The following NSD3 variants were observed in gnomAD, a reference collection of about 807,000 sequenced individuals.
NSD3 encodes histone-lysine N-methyltransferase NSD3.
NSD3 carries 24 observed loss-of-function variants against 160.8 expected under a neutral mutation model. That is an observed-to-expected ratio of 0.15 (90% CI 0.11 to 0.21). NSD3 has a LOEUF of 0.21. Ranked by LOEUF, NSD3 falls within the 10% of genes least tolerant of loss-of-function variation. NSD3 has a pLI of 1.00. For missense variants in NSD3, 1,157 were observed against 1,735.9 expected, an observed-to-expected ratio of 0.67 and a Z score of 5.93; for synonymous variants, 520 against 600.0, an observed-to-expected ratio of 0.87 and a Z score of 1.95.
At position 38,316,498 on chromosome 8, in the gene NSD3, G is replaced by A. The variant is rs1189569267; in HGVS notation, c.1856-456C>T. 8.6e-6 allele frequency: 9 copies of A among 1,044,690 alleles called. No homozygotes were observed. The highest frequency in any genetic ancestry group is 1.1e-4 in the East Asian group (2 of 17,514). The allele number at this position is 1,044,690 out of a possible 1,614,324, so 64.7% of individuals were successfully genotyped here. A position where few individuals can be genotyped will look rare whatever the true frequency, so the allele number is the denominator to read the frequency against. Reference sequence around the variant, plus strand: ...CAAATCTTTGATTTGTATTCGATTCGTACACGGATAGTGCCATTTTCCCCC... The same window carrying A: ...CAAATCTTTGATTTGTATTCGATTCATACACGGATAGTGCCATTTTCCCCC... On this transcript the variant is annotated intron_variant, in intron 9 of 23. Transcript: ENST00000317025. The surrounding 1 kb of genome is among the most constrained non-coding windows in gnomAD (Gnocchi z 4.5).
rs1810873193 is a variant in NSD3, at chr8:38,358,290, A to G, written c.-44-10075T>C. On this transcript the variant is annotated intron_variant, in intron 1 of 23. Transcript: ENST00000317025. ...TGAGAATTTTTACAGCTAGAAAAAA[A>G]TGGTGGAATATAATATGATTTTCAC... 2.0e-5 allele frequency among the ~76,000 whole-genome samples: 3 copies of G among 152,276 alleles called. No homozygotes were observed. The South Asian group carries it at 6.2e-4, about 32-fold the overall frequency.
At chr8:38,367,653 G>A (rs60464825) in intron 1 of NSD3, among the ~76,000 whole-genome samples, 21,452 of 151,886 alleles carry the variant, frequency 0.14, 1,684 homozygotes, top group East Asian at 0.31. Flanking sequence ...TGGAGGTTGC[G>A]GTGAGCTGAG....
chr8:38,300,226 A>G (rs1198241031), intron 14 of NSD3, among the ~76,000 whole-genome samples: 2 of 152,060 alleles, frequency 1.3e-5, no homozygotes, highest in Non-Finnish European at 2.9e-5. Context: ...TAGTGGTGTG[A>G]TCATGGCTCA....
At chr8:38,369,600 T>C (rs1811189410) in intron 1 of NSD3, among the ~76,000 whole-genome samples, 2 of 152,228 alleles carry the variant, frequency 1.3e-5, no homozygotes, top group Admixed American at 6.5e-5. Context: ...TTATCAACTA[T>C]GTGTCTGGTA....
chr8:38,354,108 A>G (rs993727233), intron 1 of NSD3, among the ~76,000 whole-genome samples: 3 of 152,184 alleles, frequency 2.0e-5, no homozygotes, highest in Non-Finnish European at 4.4e-5. Flanking sequence ...CTCACAGGTG[A>G]TTGATTCTTC....
chr8:38,346,297 AGT>A (rs1227253969), intron 2 of NSD3, among the ~76,000 whole-genome samples: 2 of 147,614 alleles, frequency 1.4e-5, no homozygotes, highest in Non-Finnish European at 3.0e-5. Flanking sequence ...TATAGTATAT[AGT>A]ATATATAGTA....
Position 38,318,433 on chromosome 8 carries a change from A to C in NSD3, c.1855+462T>G, listed in dbSNP as rs1809720417. On this transcript the variant is annotated intron_variant, in intron 9 of 23. Transcript: ENST00000317025. The surrounding 1 kb of genome is among the most constrained non-coding windows in gnomAD (Gnocchi z 5.3). ...TCTAATAGTGGCCATAAATGCTATG[A>C]ATCATTTTAATTTACAAAAAGATTT... Among the ~76,000 whole-genome samples, 1 of 152,212 alleles carries C rather than the reference A, an allele frequency of 6.6e-6. No individual in the cohort carries two copies. Among genetic ancestry groups the C allele is most frequent in the Non-Finnish European group, 1.5e-5 (1 of 68,030 alleles).
intron 19 of NSD3, among the ~76,000 whole-genome samples, chr8:38,285,959 T>A (rs1309327777): frequency 6.6e-6 from 1 of 152,206 alleles, no homozygotes; most frequent in East Asian, 1.9e-4. Flanking sequence ...ATGTTCTCCA[T>A]ACCACAGCCA....
chr8:38,276,533 A>G, intron 22 of NSD3, 33 bp from the exon 23 acceptor site: 2 of 1,611,556 alleles, frequency 1.2e-6, no homozygotes, highest in South Asian at 1.1e-5. Context: ...AGTTTCAAAC[A>G]TCACAGACAG....
chr8:38,379,790 AT>A (rs1811491706), intron 1 of NSD3, among the ~76,000 whole-genome samples: 1 of 152,230 alleles, frequency 6.6e-6, no homozygotes, highest in Non-Finnish European at 1.5e-5. Flanking sequence ...TTCAATATCA[AT>A]GTGATAGGTT....
rs1809670016 is a variant in NSD3 at position 38,316,574 on chromosome 8, A to G, written c.1856-532T>C. ...GCCCCCCAATAAAATTTGGATGTTC[A>G]TAATTGTTCATCTGAGACTTCCTTG... On this transcript the variant is annotated intron_variant, in intron 9 of 23. Coordinates refer to ENST00000317025, the MANE Select transcript of NSD3 (RefSeq NM_023034.2). This position sits in a 1 kb window ranked among gnomAD's most constrained non-coding sequence, Gnocchi z 4.5. 1 of 1,050,572 alleles carries G rather than the reference A, an allele frequency of 9.5e-7. No homozygotes were observed. Among genetic ancestry groups the G allele is most frequent in the Non-Finnish European group, 1.1e-6 (1 of 870,046 alleles). The allele number at this position is 1,050,572 out of a possible 1,614,324, so 65.1% of individuals were successfully genotyped here.
chr8:38,369,472 T>C (rs1024333030), intron 1 of NSD3, among the ~76,000 whole-genome samples: 1 of 152,266 alleles, frequency 6.6e-6, no homozygotes, highest in African/African-American at 2.4e-5. Flanking sequence ...TGTTCAACTT[T>C]TAACTTCTAT....
chr8:38,347,753 G>T lies in NSD3; in HGVS notation c.419C>A (p.Pro140Gln). Residue 140 changes from proline to glutamine, a missense_variant, in exon 2 of 24, where the codon CCA becomes CAA. Coordinates refer to ENST00000317025, the MANE Select transcript of NSD3 (RefSeq NM_023034.2). ...PPQPPPPPSVPQTVIPKKTGS... is the reference protein window; with the variant it reads ...PPQPPPPPSVQQTVIPKKTGS... The stretch of plus-strand genomic sequence containing the variant: ...AGTCTTCTTTGGAATCACAGTTTGT[G>T]GTACCGAAGGAGGAGGTGGTGGCTG... The T allele has an allele frequency of 6.2e-7, 1 of 1,612,682 alleles. No homozygotes were observed. Among genetic ancestry groups the T allele is most frequent in the Non-Finnish European group, 8.5e-7 (1 of 1,180,028 alleles).
chr8:38,347,573 C>T lies in NSD3; in HGVS notation c.599G>A (p.Ser200Asn), dbSNP rs770791990. The change falls in exon 2 of 24, where the codon AGC (serine) becomes AAC (asparagine). Residue 200 changes from serine to asparagine, a missense_variant. Transcript: ENST00000317025. ...HESRKEKRKK[S>N]NKHDSSRSEE... is the part of the protein sequence containing the mutation. ...AGATCTTGATGAGTCATGCTTGTTG[C>T]TTTTTTTCCTCTTTTCTTTTCTGCT... is the stretch of plus-strand genomic sequence containing the variant. The T allele has an allele frequency of 1.2e-6, 2 of 1,613,996 alleles. No homozygotes were observed. The highest frequency in any genetic ancestry group is 1.1e-5 in the South Asian group (1 of 91,066).
chr8:38,328,665 A>G (rs963958172), intron 6 of NSD3, among the ~76,000 whole-genome samples: 27 of 152,372 alleles, frequency 1.8e-4, no homozygotes, highest in African/African-American at 5.8e-4. Context: ...AATCAGAATC[A>G]CAAACTCAAC....
At chr8:38,358,604 T>G (rs1212437991) in intron 1 of NSD3, among the ~76,000 whole-genome samples, 1 of 152,192 alleles carries the variant, frequency 6.6e-6, no homozygotes, top group Non-Finnish European at 1.5e-5. Flanking sequence ...GTCATTTTGT[T>G]TTAAACGCAG....
chr8:38,338,719 G>T, intron 2 of NSD3, 112 bp from the exon 3 acceptor site: 4 of 840,490 alleles, frequency 4.8e-6, no homozygotes, highest in Non-Finnish European at 7.9e-6. Flanking sequence ...AGAGAATAAA[G>T]GGCATTTATT....
chr8:38,291,602 G>A (rs1808998406), intron 16 of NSD3, among the ~76,000 whole-genome samples: 1 of 152,182 alleles, frequency 6.6e-6, no homozygotes, highest in African/African-American at 2.4e-5. Context: ...TCTAAGAATT[G>A]AAAACATGGG....
At position 38,331,502 on chromosome 8, in the gene NSD3, C is replaced by A. The variant is rs1297087312; in HGVS notation, c.994G>T (p.Gly332Cys). Residue 332 changes from glycine (G) to cysteine (C), a missense_variant, in exon 5 of 24, where the codon GGT becomes TGT. Coordinates refer to ENST00000317025, the MANE Select transcript of NSD3 (RefSeq NM_023034.2). ...AGTAATTCTTCATACTGTTTATGAC[C>A]TTTATACTCTCGTACCCGTTTTTCA... ...VHEKRVREYK[G>C]HKQYEELLAE... The A allele has an allele frequency of 1.2e-6, 2 of 1,613,668 alleles. No individual in the cohort carries two copies. Among genetic ancestry groups the A allele is most frequent in the African/African-American group, 2.7e-5 (2 of 74,872 alleles).
Sources: allele counts gnomAD v4.1 joint callset (sites outside exome capture counted in the v4.1 genomes callset), GRCh38; gene constraint gnomAD v4.1.1; non-coding constraint Gnocchi (gnomAD v3.1); transcripts MANE v1.5; gene names NCBI Gene and HGNC (gene_info 2026-07-23, HGNC 2026-07-21).